TUB: variants seen among roughly 807,000 people sequenced by gnomAD.
The protein encoded by TUB is tubby protein homolog.
Under a neutral mutation model 59.7 loss-of-function variants are expected in TUB, and 33 were observed. That is an observed-to-expected ratio of 0.55 (90% CI 0.42 to 0.74). The LOEUF (loss-of-function observed/expected upper bound fraction) is 0.74. Among genes scored for constraint, TUB ranks in the 30% least tolerant of loss-of-function variants. The probability of loss-of-function intolerance (pLI) is 0.00; values close to 1 mark genes in which losing one functional copy is unlikely to be tolerated. For synonymous variants in TUB, 293 were observed against 256.4 expected (o/e 1.14, Z -1.36); for missense variants, 659 against 672.0 (o/e 0.98, Z 0.21).
At chr11:8,092,167 C>T (rs2133841637) in intron 3 of TUB, among the ~76,000 whole-genome samples, 1 of 152,346 alleles carries the variant, frequency 6.6e-6, no homozygotes, top group East Asian at 1.9e-4. Flanking sequence ...AGTTTCTGTG[C>T]TAGGTGGCTC....
chr11:8,089,339 AG>A (rs1359532930), intron 1 of TUB, among the ~76,000 whole-genome samples: 4 of 152,046 alleles, frequency 2.6e-5, no homozygotes, highest in Non-Finnish European at 5.9e-5. Context: ...CAGGGATCTG[AG>A]GGGAGGGTCT....
At chr11:8,100,645 T>C (rs368958926) in intron 10 of TUB, 44 bp downstream of exon 10, 1 of 1,587,996 alleles carries the variant, frequency 6.3e-7, no homozygotes, top group Non-Finnish European at 8.6e-7. Context: ...ATCATCCTAG[T>C]CTCTGCATGA....
In TUB at chr11:8,100,438, C is replaced by T. The variant is rs373243458; in HGVS notation, c.1117-65C>T. 8.7e-5 allele frequency: 112 copies of T among 1,280,216 alleles called. No homozygotes were observed. In the South Asian group the frequency reaches 1.3e-3, roughly 15 times the overall value. The allele number at this position is 1,280,216 out of a possible 1,614,324, so 79.3% of individuals were successfully genotyped here. On this transcript the variant is annotated intron_variant, in intron 9 of 11. Transcript: ENST00000299506. Reference sequence around the variant, plus strand: ...CTAGCTCTTCCTCTTTATTCCCGTCCCCCCCACCTTCTCCAGTAGGTAAAT... The same window carrying T: ...CTAGCTCTTCCTCTTTATTCCCGTCTCCCCCACCTTCTCCAGTAGGTAAAT...
chr11:8,025,463 C>G (rs147091454), intron 1 of TUB, among the ~76,000 whole-genome samples: 304 of 152,274 alleles, frequency 2.0e-3, no homozygotes, highest in Middle Eastern at 0.017. Flanking sequence ...TCCTCTGCCT[C>G]TTTGTAAAAC....
chr11:8,065,697 C>T (rs1415964797), intron 2 of TUB, among the ~76,000 whole-genome samples: 1 of 152,172 alleles, frequency 6.6e-6, no homozygotes, highest in East Asian at 1.9e-4. Flanking sequence ...AGCATGCCCT[C>T]TGGTAAGCCT....
intron 2 of TUB, among the ~76,000 whole-genome samples, chr11:8,040,606 C>T (rs1942734385): frequency 6.6e-6 from 1 of 152,132 alleles, no homozygotes; most frequent in Non-Finnish European, 1.5e-5. Context: ...TGGCCTCAAA[C>T]CAGGTTGACT....
chr11:8,089,551 G>A lies in TUB; in HGVS notation c.39-59G>A. The A allele has an allele frequency of 2.5e-6, 4 of 1,602,478 alleles. No individual in the cohort carries two copies. In the East Asian group the frequency reaches 8.9e-5, roughly 36 times the overall value. On this transcript the variant is annotated intron_variant, in intron 1 of 11. Transcript: ENST00000299506. ...CCCAGATATGCTGGGGGTGGGCTCTGGGCTGTATATCCTGGCACCTCACGG... is the reference window on the plus strand; with the variant it reads ...CCCAGATATGCTGGGGGTGGGCTCTAGGCTGTATATCCTGGCACCTCACGG...
chr11:8,099,384 T>G (rs776583878), intron 9 of TUB, among the ~76,000 whole-genome samples: 2 of 152,182 alleles, frequency 1.3e-5, no homozygotes, highest in Non-Finnish European at 2.9e-5. Context: ...TTGAACCTTT[T>G]TCTTCATTTT....
intron 2 of TUB, among the ~76,000 whole-genome samples, chr11:8,052,757 G>T (rs1436306225): frequency 6.6e-6 from 1 of 152,170 alleles, no homozygotes; most frequent in African/African-American, 2.4e-5. Context: ...TTACAGGCGT[G>T]AGCCACTGTG....
chr11:8,038,707 T>C (rs1942688287), exon 1 of TUB: 1 of 1,468,554 alleles, frequency 6.8e-7, no homozygotes, highest in African/African-American at 1.4e-5. Flanking sequence ...TCCTAATTAA[T>C]GGGTGATGGT....
rs1944485479 is a variant in TUB, at chr11:8,104,995, T to TTAGAGGTAA, written c.*3378_*3386dup. On this transcript the variant is annotated 3_prime_UTR_variant, in exon 12 of 12. Transcript: ENST00000299506. Reference sequence around the variant, plus strand: ...TTTACCTCTTAAATAAACTTAGCATTTAGAGGTAATTCTAAATTTAACAAG... The same window carrying TTAGAGGTAA: ...TTTACCTCTTAAATAAACTTAGCATTTAGAGGTAATAGAGGTAATTCTAAATTTAACAAG... 6.6e-6 allele frequency: 1 copy of TTAGAGGTAA among 151,814 alleles called. No individual in the cohort carries two copies. The highest frequency in any genetic ancestry group is 2.1e-4 in the South Asian group (1 of 4,802). 9.4% of individuals were successfully genotyped at this position (151,814 alleles called of 1,614,324 possible).
chr11:8,106,082 TTTTGAA>T lies in TUB; in HGVS notation c.*4465_*4470del, dbSNP rs1387756582. 1 of 152,244 alleles carries T rather than the reference TTTTGAA, an allele frequency of 6.6e-6. No individual in the cohort carries two copies. Among genetic ancestry groups the T allele is most frequent in the Non-Finnish European group, 1.5e-5 (1 of 68,038 alleles). 9.4% of individuals were successfully genotyped at this position (152,244 alleles called of 1,614,324 possible). ...TTGCAAAACTGTGCTTTTATTGACTTTTTGAATAAACTTTGGTATTCTGGAGCAAAT... is the reference window on the plus strand; with the variant it reads ...TTGCAAAACTGTGCTTTTATTGACTTTAAACTTTGGTATTCTGGAGCAAAT... On this transcript the variant is annotated 3_prime_UTR_variant, in exon 12 of 12. Transcript: ENST00000299506.
rs1944502873 is a variant in TUB at position 8,105,259 on chromosome 11, A to G, written c.*3640A>G. On this transcript the variant is annotated 3_prime_UTR_variant, in exon 12 of 12. Transcript: ENST00000299506. ...GGATGCCAAGTGGCCCTCAGATTAC[A>G]CTTCTCCAGATAGCTGAATGAGTCT... 1 of 152,078 alleles carries G rather than the reference A, an allele frequency of 6.6e-6. No homozygotes were observed. Among genetic ancestry groups the G allele is most frequent in the Non-Finnish European group, 1.5e-5 (1 of 68,042 alleles). The allele number at this position is 152,078 out of a possible 1,614,324, so 9.4% of individuals were successfully genotyped here.
At chr11:8,027,027 T>C (rs1942509011) in intron 1 of TUB, among the ~76,000 whole-genome samples, 1 of 152,220 alleles carries the variant, frequency 6.6e-6, no homozygotes, top group Non-Finnish European at 1.5e-5. Context: ...TTTTCAATGA[T>C]ATTATAAAAG....
chr11:8,049,808 T>A (rs1279346126), intron 2 of TUB, among the ~76,000 whole-genome samples: 2 of 152,048 alleles, frequency 1.3e-5, no homozygotes, highest in African/African-American at 4.8e-5. Flanking sequence ...TACTGACATT[T>A]TGATTAATTT....
At chr11:8,086,474 C>T (rs1943668197) in intron 1 of TUB, among the ~76,000 whole-genome samples, 2 of 152,120 alleles carry the variant, frequency 1.3e-5, no homozygotes, top group Non-Finnish European at 1.5e-5. Context: ...CCTTGGTCTC[C>T]ACAACAGCTG....
intron 2 of TUB, chr11:8,068,688 CCT>C (rs984113941): frequency 1.3e-5 from 2 of 152,630 alleles, no homozygotes. Context: ...TGCCTGGTTC[CCT>C]GTCAGACTCC....
chr11:8,073,618 T>G (rs1357499898), intron 2 of TUB, among the ~76,000 whole-genome samples: 1 of 152,256 alleles, frequency 6.6e-6, no homozygotes, highest in Non-Finnish European at 1.5e-5. Context: ...CCTGATCACC[T>G]TAATTCCTTG....
chr11:8,028,191 A>G (rs1204823627), intron 1 of TUB, among the ~76,000 whole-genome samples: 1 of 152,090 alleles, frequency 6.6e-6, no homozygotes. Context: ...TTTGATTTGC[A>G]TTTCCTCAGT....
Sources: allele counts gnomAD v4.1 joint callset (sites outside exome capture counted in the v4.1 genomes callset), GRCh38; gene constraint gnomAD v4.1.1; transcripts MANE v1.5; gene names NCBI Gene and HGNC (gene_info 2026-07-23, HGNC 2026-07-21).